MAGI1: variants seen among roughly 807,000 people sequenced by gnomAD.
MAGI1 encodes the protein membrane associated guanylate kinase, WW and PDZ domain containing 1.
Under a neutral mutation model 139.9 loss-of-function variants are expected in MAGI1, and 58 were observed. The ratio of observed to expected loss-of-function variants is 0.41; its 90% CI spans 0.34 to 0.52. The LOEUF (loss-of-function observed/expected upper bound fraction) is 0.52, where lower values mean the gene tolerates loss of function less well. MAGI1 is among the 20% of genes least tolerant of loss of function. The pLI, the probability that MAGI1 is intolerant of heterozygous loss-of-function variation, is 0.12. For missense variants in MAGI1, 1,874 were observed against 1,901.6 expected (o/e 0.99, Z 0.27); for synonymous variants, 812 against 737.9 (o/e 1.10, Z -1.63).
At chr3:65,577,216 T>A (rs1437043047) in intron 2 of MAGI1, among the ~76,000 whole-genome samples, 2 of 152,220 alleles carry the variant, frequency 1.3e-5, no homozygotes, top group Non-Finnish European at 2.9e-5. Flanking sequence ...AAATGAATCA[T>A]AATCCTGGAA....
intron 1 of MAGI1, among the ~76,000 whole-genome samples, chr3:65,685,940 C>A (rs1342607100): frequency 1.3e-5 from 2 of 152,156 alleles, no homozygotes; most frequent in Non-Finnish European, 1.5e-5. Context: ...TCTTCACAGG[C>A]CTCCACTTAA....
At chr3:65,432,566 A>C (rs1445387295) in intron 10 of MAGI1, among the ~76,000 whole-genome samples, 1 of 152,136 alleles carries the variant, frequency 6.6e-6, no homozygotes, top group Non-Finnish European at 1.5e-5. Context: ...CGCAGTCCCA[A>C]AGCTTATTGG....
At chr3:65,654,633 T>C (rs1030491730) in intron 1 of MAGI1, among the ~76,000 whole-genome samples, 5 of 152,212 alleles carry the variant, frequency 3.3e-5, no homozygotes, top group African/African-American at 1.2e-4. Context: ...ACTTTTTTTT[T>C]TTACATTGAA....
intron 2 of MAGI1, among the ~76,000 whole-genome samples, chr3:65,598,525 A>G (rs973873344): frequency 6.6e-6 from 1 of 152,214 alleles, no homozygotes; most frequent in Non-Finnish European, 1.5e-5. Flanking sequence ...CCAATAGATA[A>G]TAACTCTTAT....
At chr3:66,028,920 C>A (rs1015909767) in intron 1 of MAGI1, among the ~76,000 whole-genome samples, 1 of 152,176 alleles carries the variant, frequency 6.6e-6, no homozygotes, top group Non-Finnish European at 1.5e-5. Flanking sequence ...TCTTTCTTCT[C>A]TCCCAAGGGC....
intron 1 of MAGI1, among the ~76,000 whole-genome samples, chr3:65,803,620 T>C (rs774566968): frequency 3.3e-5 from 5 of 152,322 alleles, no homozygotes; most frequent in Non-Finnish European, 7.3e-5. Flanking sequence ...TCATGGGAGT[T>C]TGTTGAACAG....
intron 12 of MAGI1, among the ~76,000 whole-genome samples, chr3:65,405,829 A>G (rs919119394): frequency 7.4e-6 from 1 of 134,580 alleles, no homozygotes; most frequent in Non-Finnish European, 1.7e-5. Flanking sequence ...TCCTGACCTC[A>G]TGATCCACCC....
At chr3:65,770,975 G>A (rs2037904705) in intron 1 of MAGI1, among the ~76,000 whole-genome samples, 1 of 151,860 alleles carries the variant, frequency 6.6e-6, no homozygotes, top group Non-Finnish European at 1.5e-5. Flanking sequence ...ACAAACGCAA[G>A]CCACTACGCC....
At chr3:65,687,962 T>G (rs754975537) in intron 1 of MAGI1, 23 of 756,794 alleles carry the variant, frequency 3.0e-5, no homozygotes, top group Non-Finnish European at 5.0e-5. Context: ...AGTTCACAGT[T>G]AAAGTTATCA....
chr3:65,645,744 A>T (rs1478852061), intron 1 of MAGI1, among the ~76,000 whole-genome samples: 3 of 152,130 alleles, frequency 2.0e-5, no homozygotes, highest in Non-Finnish European at 4.4e-5. Context: ...ATTATAAACC[A>T]GGATGTAAAG....
At chr3:65,410,507 C>T (rs9849333) in intron 12 of MAGI1, among the ~76,000 whole-genome samples, 46,883 of 152,040 alleles carry the variant, frequency 0.31, 8,243 homozygotes, top group South Asian at 0.44. Context: ...GAGTCTACTA[C>T]GATAAGATTA....
At chr3:66,018,122 G>T (rs1035759096) in intron 1 of MAGI1, among the ~76,000 whole-genome samples, 1 of 135,188 alleles carries the variant, frequency 7.4e-6, no homozygotes, top group Non-Finnish European at 1.6e-5. Context: ...GTGGGGGGGG[G>T]GGGTGTCTGC....
At chr3:65,662,595 T>C (rs1440136483) in intron 1 of MAGI1, among the ~76,000 whole-genome samples, 1 of 152,240 alleles carries the variant, frequency 6.6e-6, no homozygotes, top group Non-Finnish European at 1.5e-5. Context: ...TTCTCTTTTT[T>C]ATTGTATCAA....
chr3:65,730,425 G>A lies in MAGI1; in HGVS notation c.314-108337C>T, dbSNP rs2034068084. On this transcript the variant is annotated intron_variant, in intron 1 of 22. Coordinates refer to ENST00000402939, the MANE Select transcript of MAGI1 (RefSeq NM_001033057.2). Reference sequence around the variant, plus strand: ...ATTTAAAGCAGGAAGCAGGAGACAGGGGCGAAATGACTATCTTCATGAGTA... The same window carrying A: ...ATTTAAAGCAGGAAGCAGGAGACAGAGGCGAAATGACTATCTTCATGAGTA... Among the ~76,000 whole-genome samples the A allele has an allele frequency of 2.6e-5, 4 of 152,150 alleles. No individual in the cohort carries two copies. In the South Asian group the frequency reaches 6.2e-4, roughly 24 times the overall value.
At chr3:65,544,259 C>A (rs557760160) in intron 2 of MAGI1, among the ~76,000 whole-genome samples, 19 of 152,200 alleles carry the variant, frequency 1.2e-4, no homozygotes, top group East Asian at 9.7e-4. Context: ...CTGCAAAGTT[C>A]TTCTGTTTGT....
intron 1 of MAGI1, among the ~76,000 whole-genome samples, chr3:65,757,367 G>A (rs532818825): frequency 5.3e-5 from 8 of 152,266 alleles, no homozygotes; most frequent in South Asian, 2.1e-4. Context: ...ATTTCTGGCC[G>A]GGTATGGTGG....
intron 1 of MAGI1, among the ~76,000 whole-genome samples, chr3:65,790,276 G>T (rs914553241): frequency 6.6e-6 from 1 of 152,158 alleles, no homozygotes; most frequent in African/African-American, 2.4e-5. Flanking sequence ...AAGATAAAAC[G>T]ATTTGTTTGA....
At chr3:65,751,974 G>C (rs961897516) in intron 1 of MAGI1, among the ~76,000 whole-genome samples, 1 of 152,092 alleles carries the variant, frequency 6.6e-6, no homozygotes, top group African/African-American at 2.4e-5. Flanking sequence ...ACGGGGTCTT[G>C]CTATGGCACC....
At chr3:65,576,106 T>C (rs1278209014) in intron 2 of MAGI1, among the ~76,000 whole-genome samples, 1 of 152,246 alleles carries the variant, frequency 6.6e-6, no homozygotes, top group African/African-American at 2.4e-5. Flanking sequence ...ATTAGATATT[T>C]GTCTAATTTT....
Sources: allele counts gnomAD v4.1 joint callset (sites outside exome capture counted in the v4.1 genomes callset), GRCh38; gene constraint gnomAD v4.1.1; transcripts MANE v1.5; gene names NCBI Gene and HGNC (gene_info 2026-07-23, HGNC 2026-07-21).